Variants in FHIP1A observed in about 807,000 individuals in gnomAD.
The protein encoded by FHIP1A is FHF complex subunit HOOK interacting protein 1A.
Under a neutral mutation model 88.6 loss-of-function variants are expected in FHIP1A, and 61 were observed. That is an observed-to-expected ratio of 0.69 (90% confidence interval 0.56 to 0.85). FHIP1A has a LOEUF of 0.85. FHIP1A is among the 40% of genes least tolerant of loss of function. The pLI is 0.00. For missense variants in FHIP1A, 1,154 were observed against 1,273.5 expected, an observed-to-expected ratio of 0.91 and a Z score of 1.43; for synonymous variants, 478 against 496.0, an observed-to-expected ratio of 0.96 and a Z score of 0.48.
intron 2 of FHIP1A, among the ~76,000 whole-genome samples, chr4:151,455,427 C>T (rs970559451): frequency 1.3e-5 from 2 of 152,192 alleles, no homozygotes; most frequent in Admixed American, 6.5e-5. Context: ...ATCAGCTACT[C>T]CTGCCTCCTA....
chr4:151,445,830 G>A (rs1728576654), intron 1 of FHIP1A, among the ~76,000 whole-genome samples: 1 of 90,708 alleles, frequency 1.1e-5, no homozygotes, highest in African/African-American at 3.8e-5. Flanking sequence ...ACGCCAGCCT[G>A]AGAGACCTCA....
chr4:151,615,148 A>G (rs545497447), intron 7 of FHIP1A, among the ~76,000 whole-genome samples: 78 of 151,700 alleles, frequency 5.1e-4, no homozygotes, highest in Non-Finnish European at 9.4e-4. Context: ...AATGGGAGAC[A>G]GTGTCTTTGA....
At chr4:151,434,660 G>A (rs1292908982) in intron 1 of FHIP1A, among the ~76,000 whole-genome samples, 1 of 152,078 alleles carries the variant, frequency 6.6e-6, no homozygotes, top group Non-Finnish European at 1.5e-5. Flanking sequence ...TGGCTCATTT[G>A]GAAACTTGGA....
chr4:151,533,639 T>C (rs576565486), intron 3 of FHIP1A, among the ~76,000 whole-genome samples: 98 of 152,202 alleles, frequency 6.4e-4, no homozygotes, highest in Non-Finnish European at 1.1e-3. Context: ...TAGTAAAATT[T>C]GGTGTAGGGT....
chr4:151,619,931 C>T (rs1344410275), intron 7 of FHIP1A, among the ~76,000 whole-genome samples: 1 of 152,168 alleles, frequency 6.6e-6, no homozygotes, highest in African/African-American at 2.4e-5. Context: ...CTAGCCAAAA[C>T]ATACATAGTA....
chr4:151,661,797 C>T (rs1737466337), intron 13 of FHIP1A, among the ~76,000 whole-genome samples: 1 of 152,202 alleles, frequency 6.6e-6, no homozygotes, highest in African/African-American at 2.4e-5. Flanking sequence ...TGGGAACCCT[C>T]CTTCAATATA....
chr4:151,625,066 G>A (rs72954901), intron 7 of FHIP1A, among the ~76,000 whole-genome samples: 1,896 of 152,250 alleles, frequency 0.012, 37 homozygotes, highest in African/African-American at 0.039. Flanking sequence ...CCTCCCACCT[G>A]TCCGTTGGCT....
intron 7 of FHIP1A, among the ~76,000 whole-genome samples, chr4:151,603,323 A>AG (rs1473244559): frequency 1.3e-5 from 2 of 151,960 alleles, no homozygotes; most frequent in Non-Finnish European, 2.9e-5. Flanking sequence ...AAAAAAAAAA[A>AG]AAGAGAGATT....
At chr4:151,622,191 A>ATCCC (rs1735772150) in intron 7 of FHIP1A, among the ~76,000 whole-genome samples, 1 of 152,204 alleles carries the variant, frequency 6.6e-6, no homozygotes, top group Admixed American at 6.5e-5. Flanking sequence ...AGAAAAGGGG[A>ATCCC]GTCTGAGAGG....
intron 1 of FHIP1A, among the ~76,000 whole-genome samples, chr4:151,412,401 C>T (rs900924677): frequency 3.3e-5 from 5 of 151,798 alleles, no homozygotes; most frequent in Non-Finnish European, 5.9e-5. Context: ...CCACTGTGTT[C>T]GGCCAATAAT....
intron 13 of FHIP1A, among the ~76,000 whole-genome samples, chr4:151,660,422 AGAAT>A (rs2126930540): frequency 6.6e-6 from 1 of 152,330 alleles, no homozygotes; most frequent in South Asian, 2.1e-4. Flanking sequence ...AATTTGGAAG[AGAAT>A]GAATGAATTT....
intron 2 of FHIP1A, among the ~76,000 whole-genome samples, chr4:151,459,710 G>A (rs1055687368): frequency 1.2e-4 from 18 of 152,120 alleles, no homozygotes; most frequent in African/African-American, 4.3e-4. Context: ...CTTCTTCAAG[G>A]TAGTACTGCA....
At chr4:151,422,086 C>G (rs1318357954) in intron 1 of FHIP1A, among the ~76,000 whole-genome samples, 1 of 151,726 alleles carries the variant, frequency 6.6e-6, no homozygotes, top group Non-Finnish European at 1.5e-5. Context: ...ACAAAGTCTT[C>G]TGGCCCACTA....
chr4:151,608,037 CTTTTTTTT>C (rs376335318), intron 7 of FHIP1A, among the ~76,000 whole-genome samples: 1 of 67,138 alleles, frequency 1.5e-5, no homozygotes, highest in East Asian at 4.4e-4. Context: ...CTTTCTTCTT[CTTTTTTTT>C]TTTTTTTTTT....
At chr4:151,649,351 C>G in intron 10 of FHIP1A, 108 bp from the exon 11 acceptor site, 3 of 683,242 alleles carry the variant, frequency 4.4e-6, no homozygotes, top group Admixed American at 2.9e-5. Flanking sequence ...ATAATTAGAC[C>G]CAAAGTAGCT....
chr4:151,600,594 C>T (rs1046398706), intron 7 of FHIP1A, among the ~76,000 whole-genome samples: 5 of 152,144 alleles, frequency 3.3e-5, no homozygotes, highest in Non-Finnish European at 7.4e-5. Context: ...TAGTATAAAT[C>T]ATGATTCTCT....
At position 151,577,392 on chromosome 4, in the gene FHIP1A, A is replaced by G. The variant is rs2126789907; in HGVS notation, c.106-58A>G. On this transcript the variant is annotated intron_variant, in intron 4 of 13. Coordinates refer to ENST00000435205, the MANE Select transcript of FHIP1A (RefSeq NM_001109977.3). Reference sequence around the variant, plus strand: ...ACAATTTGGTAAAATCAGTGGTGATATGTTTTTGTAATTATGATAAACATC... The same window carrying G: ...ACAATTTGGTAAAATCAGTGGTGATGTGTTTTTGTAATTATGATAAACATC... 2.1e-6 allele frequency: 3 copies of G among 1,450,672 alleles called. No homozygotes were observed. The South Asian group carries it at 4.4e-5, about 21-fold the overall frequency. The allele number at this position is 1,450,672 out of a possible 1,614,324, so 89.9% of individuals were successfully genotyped here.
chr4:151,551,868 G>T (rs1732748256), intron 3 of FHIP1A, among the ~76,000 whole-genome samples: 1 of 152,108 alleles, frequency 6.6e-6, no homozygotes, highest in African/African-American at 2.4e-5. Context: ...CACAGCAAAA[G>T]AAACTACCAT....
At chr4:151,422,807 G>GTGGAATTGAGAAGGC (rs1002571385) in intron 1 of FHIP1A, among the ~76,000 whole-genome samples, 3 of 152,182 alleles carry the variant, frequency 2.0e-5, no homozygotes, top group African/African-American at 4.8e-5. Context: ...AGATACAAGC[G>GTGGAATTGAGAAGGC]TGGAATTGAG....
Sources: allele counts gnomAD v4.1 joint callset (sites outside exome capture counted in the v4.1 genomes callset), GRCh38; gene constraint gnomAD v4.1.1; transcripts MANE v1.5; gene names NCBI Gene and HGNC (gene_info 2026-07-23, HGNC 2026-07-21).